PCDH15: variants seen among roughly 807,000 people sequenced by gnomAD.
The protein encoded by PCDH15 is protocadherin-15.
PCDH15 carries 129 observed loss-of-function variants against 178.5 expected under a neutral mutation model. The observed-to-expected ratio is 0.72, with a 90% CI of 0.63 to 0.84. The LOEUF is 0.84. Ranked by LOEUF, PCDH15 falls within the 40% of genes least tolerant of loss-of-function variation. The pLI is 0.00. For missense variants in PCDH15, 2,230 were observed against 2,099.9 expected (o/e 1.06, Z -1.21); for synonymous variants, 800 against 732.0 (o/e 1.09, Z -1.50).
chr10:55,437,853 T>TTTTA (rs1839081400), intron 2 of PCDH15, among the ~76,000 whole-genome samples: 1 of 150,014 alleles, frequency 6.7e-6, no homozygotes, highest in Non-Finnish European at 1.5e-5. Context: ...TTTTTTTTTT[T>TTTTA]TCAGACGGAG....
At chr10:54,079,837 G>A (rs1565204212) in intron 16 of PCDH15, among the ~76,000 whole-genome samples, 2 of 152,090 alleles carry the variant, frequency 1.3e-5, no homozygotes, top group South Asian at 2.1e-4. Context: ...TATGTCATAT[G>A]TATGTCCATT....
intron 2 of PCDH15, among the ~76,000 whole-genome samples, chr10:55,325,968 C>T (rs1844019809): frequency 6.6e-6 from 1 of 151,972 alleles, no homozygotes; most frequent in Admixed American, 6.6e-5. Flanking sequence ...TACGTGCAGC[C>T]TACAAGTATA....
At chr10:55,067,348 C>T (rs978406287) in intron 2 of PCDH15, among the ~76,000 whole-genome samples, 2 of 151,906 alleles carry the variant, frequency 1.3e-5, no homozygotes, top group African/African-American at 4.8e-5. Flanking sequence ...TCTTTTTGTG[C>T]CTGTCTCATT....
chr10:54,083,580 C>T (rs1169631527), intron 16 of PCDH15, among the ~76,000 whole-genome samples: 1 of 152,092 alleles, frequency 6.6e-6, no homozygotes, highest in Non-Finnish European at 1.5e-5. Context: ...AAGTAGGTAA[C>T]TTGATGAAGC....
chr10:54,912,137 C>G (rs550197458), intron 2 of PCDH15, among the ~76,000 whole-genome samples: 143 of 151,954 alleles, frequency 9.4e-4, no homozygotes, highest in Middle Eastern at 3.4e-3. Context: ...ACAGTGAGTA[C>G]CATTCCATAG....
chr10:54,152,290 T>A (rs2044615486), intron 14 of PCDH15, among the ~76,000 whole-genome samples: 1 of 152,182 alleles, frequency 6.6e-6, no homozygotes, highest in Non-Finnish European at 1.5e-5. Context: ...AACTGATGCA[T>A]GTTGAGTGTT....
chr10:54,302,403 A>G (rs1252029889), intron 8 of PCDH15, among the ~76,000 whole-genome samples: 2 of 152,184 alleles, frequency 1.3e-5, no homozygotes, highest in African/African-American at 4.8e-5. Flanking sequence ...CCCAAAATAC[A>G]TATGCTGAAA....
intron 1 of PCDH15, among the ~76,000 whole-genome samples, chr10:54,732,176 A>C (rs1943499074): frequency 6.6e-6 from 1 of 151,402 alleles, no homozygotes; most frequent in African/African-American, 2.4e-5. Context: ...TACAGAGAGC[A>C]TGGAATGAGA....
chr10:54,172,282 C>T (rs2046989457), intron 13 of PCDH15, among the ~76,000 whole-genome samples: 1 of 149,894 alleles, frequency 6.7e-6, no homozygotes, highest in Admixed American at 6.6e-5. Context: ...GGCTCAGAAA[C>T]ACCCCCACTG....
intron 3 of PCDH15, among the ~76,000 whole-genome samples, chr10:54,819,900 T>C (rs1008742978): frequency 6.6e-6 from 1 of 152,078 alleles, no homozygotes; most frequent in South Asian, 2.1e-4. Flanking sequence ...TCTAAAATGC[T>C]TTTTCTCTTT....
intron 3 of PCDH15, among the ~76,000 whole-genome samples, chr10:54,518,092 G>A (rs1320141501): frequency 6.6e-6 from 1 of 152,046 alleles, no homozygotes; most frequent in African/African-American, 2.4e-5. Flanking sequence ...AGCACCAAAT[G>A]CCCAAAAGAG....
chr10:55,334,602 C>T (rs1375573576), intron 2 of PCDH15, among the ~76,000 whole-genome samples: 3 of 151,854 alleles, frequency 2.0e-5, no homozygotes, highest in Admixed American at 6.6e-5. Context: ...CCATGGTGCC[C>T]GGCTGGGTGC....
At chr10:55,163,026 A>C (rs1431240772) in intron 2 of PCDH15, among the ~76,000 whole-genome samples, 1 of 152,240 alleles carries the variant, frequency 6.6e-6, no homozygotes, top group African/African-American at 2.4e-5. Flanking sequence ...CACCCAGGCC[A>C]GGGACTATTC....
intron 27 of PCDH15, among the ~76,000 whole-genome samples, chr10:53,861,540 A>G (rs933973645): frequency 2.6e-5 from 4 of 152,136 alleles, no homozygotes; most frequent in African/African-American, 9.7e-5. Context: ...GTCCAATAGA[A>G]ATACAATGTG....
intron 3 of PCDH15, among the ~76,000 whole-genome samples, chr10:54,828,823 A>G (rs1047361395): frequency 3.3e-5 from 5 of 152,038 alleles, no homozygotes; most frequent in African/African-American, 9.7e-5. Context: ...GAAATAAAGC[A>G]GGGTAAAGAA....
intron 1 of PCDH15, among the ~76,000 whole-genome samples, chr10:55,210,491 G>A (rs990838968): frequency 7.3e-5 from 11 of 151,110 alleles, no homozygotes; most frequent in Non-Finnish European, 1.6e-4. Context: ...ACATCTGGTA[G>A]AAACGACCAA....
chr10:54,520,650 G>A (rs1438655868), intron 3 of PCDH15, among the ~76,000 whole-genome samples: 3 of 151,822 alleles, frequency 2.0e-5, no homozygotes, highest in Non-Finnish European at 4.4e-5. Context: ...GTGGAAGTCA[G>A]TGTGGCGATT....
At chr10:55,365,966 T>G (rs1252124399) in intron 2 of PCDH15, 1 of 152,274 alleles carries the variant, frequency 6.6e-6, no homozygotes, top group Admixed American at 6.5e-5. Context: ...CTGGAGTTAC[T>G]TACTCATGTC....
intron 2 of PCDH15, among the ~76,000 whole-genome samples, chr10:55,056,013 C>T (rs1841289900): frequency 6.6e-6 from 1 of 152,126 alleles, no homozygotes; most frequent in South Asian, 2.1e-4. Flanking sequence ...TTTTACATTT[C>T]TTCCCTTCTC....
Sources: allele counts gnomAD v4.1 joint callset (sites outside exome capture counted in the v4.1 genomes callset), GRCh38; gene constraint gnomAD v4.1.1; transcripts MANE v1.5; gene names NCBI Gene and HGNC (gene_info 2026-07-23, HGNC 2026-07-21).